The following HEMK2 variants were observed in gnomAD, a reference collection of about 807,000 sequenced individuals.
The protein encoded by HEMK2 is HemK methyltransferase 2, ETF1 glutamine and histone H4 lysine.
chr21:28,590,533 A>G, the HEMK2 span, among the ~76,000 whole-genome samples: 1 of 152,230 alleles, frequency 6.6e-6, no homozygotes, highest in Non-Finnish European at 1.5e-5. Flanking sequence ...TGAAACAAGC[A>G]AAGTTCTATC....
chr21:28,651,511 T>C, the HEMK2 span, among the ~76,000 whole-genome samples: 1 of 152,206 alleles, frequency 6.6e-6, no homozygotes, highest in African/African-American at 2.4e-5. Flanking sequence ...ACATTGTCAC[T>C]TGAATAGACC....
At chr21:28,657,692 T>C in the HEMK2 span, among the ~76,000 whole-genome samples, 15 of 152,192 alleles carry the variant, frequency 9.9e-5, no homozygotes, top group South Asian at 1.7e-3. Flanking sequence ...TTTTAAATGT[T>C]TGTACTTCAA....
the HEMK2 span, among the ~76,000 whole-genome samples, chr21:28,743,874 G>C: frequency 1.9e-3 from 286 of 152,248 alleles, no homozygotes; most frequent in African/African-American, 6.6e-3. Context: ...AAAGAAAATA[G>C]CCATGGGACA....
At chr21:28,670,287 C>A in the HEMK2 span, among the ~76,000 whole-genome samples, 1,692 of 152,176 alleles carry the variant, frequency 0.011, 26 homozygotes, top group African/African-American at 0.038. Context: ...GGAACTGATG[C>A]AAATGACTCT....
At chr21:28,628,610 A>C in the HEMK2 span, among the ~76,000 whole-genome samples, 1 of 152,028 alleles carries the variant, frequency 6.6e-6, no homozygotes, top group Admixed American at 6.6e-5. Flanking sequence ...CTGCCATCAC[A>C]CCCAGCTAAT....
At chr21:28,716,676 T>A in the HEMK2 span, among the ~76,000 whole-genome samples, 1 of 152,054 alleles carries the variant, frequency 6.6e-6, no homozygotes, top group South Asian at 2.1e-4. Flanking sequence ...AAACTAGACA[T>A]CCTCATCTTG....
the HEMK2 span, among the ~76,000 whole-genome samples, chr21:28,864,923 T>TAGATAGATAGATAGATAGAC: frequency 1.0e-3 from 127 of 123,844 alleles, no homozygotes; most frequent in African/African-American, 2.8e-3. Flanking sequence ...TATAGATAGA[T>TAGATAGATAGATAGATAGAC]AGACAGACAG....
chr21:28,587,151 A>T, the HEMK2 span, among the ~76,000 whole-genome samples: 2 of 146,656 alleles, frequency 1.4e-5, no homozygotes, highest in Non-Finnish European at 3.0e-5. Context: ...GAAATGGAGT[A>T]GGCATATCAG....
chr21:28,713,351 C>T, the HEMK2 span, among the ~76,000 whole-genome samples: 2,551 of 152,250 alleles, frequency 0.017, 73 homozygotes, highest in African/African-American at 0.057. Context: ...AAGCTCATGT[C>T]TCTCCCCAGC....
the HEMK2 span, among the ~76,000 whole-genome samples, chr21:28,832,669 C>G: frequency 1.3e-5 from 2 of 152,200 alleles, no homozygotes; most frequent in Non-Finnish European, 2.9e-5. Flanking sequence ...CCCATTCTCA[C>G]AACCTGTGTG....
chr21:28,683,717 G>A, the HEMK2 span, among the ~76,000 whole-genome samples: 25,327 of 152,004 alleles, frequency 0.17, 2,445 homozygotes, highest in East Asian at 0.31. Context: ...TTATGAAAAG[G>A]TGAAATATAT....
the HEMK2 span, among the ~76,000 whole-genome samples, chr21:28,731,716 CTGCACATTG>C: frequency 6.6e-6 from 1 of 151,246 alleles, no homozygotes; most frequent in South Asian, 2.1e-4. Flanking sequence ...TGTAGCTAAC[CTGCACATTG>C]TGCACATGTA....
the HEMK2 span, among the ~76,000 whole-genome samples, chr21:28,693,237 T>C: frequency 6.6e-6 from 1 of 152,210 alleles, no homozygotes; most frequent in Non-Finnish European, 1.5e-5. Flanking sequence ...TTACTTTTTA[T>C]AAAGCTCTAT....
chr21:28,766,387 C>A, the HEMK2 span, among the ~76,000 whole-genome samples: 8 of 151,944 alleles, frequency 5.3e-5, no homozygotes, highest in South Asian at 1.7e-3. Flanking sequence ...GAAAAGGGAA[C>A]ACTTTTATAC....
At chr21:28,803,845 A>C in the HEMK2 span, among the ~76,000 whole-genome samples, 3 of 152,198 alleles carry the variant, frequency 2.0e-5, no homozygotes, top group Admixed American at 2.0e-4. Flanking sequence ...TGTCTGAATT[A>C]TAAGGGTTGG....
chr21:28,767,570 T>C, the HEMK2 span, among the ~76,000 whole-genome samples: 4 of 151,402 alleles, frequency 2.6e-5, no homozygotes, highest in Admixed American at 1.3e-4. Context: ...AACAACATTA[T>C]GCTAACTGGC....
At chr21:28,879,548 C>T in the HEMK2 span, among the ~76,000 whole-genome samples, 1 of 152,092 alleles carries the variant, frequency 6.6e-6, no homozygotes, top group Non-Finnish European at 1.5e-5. Flanking sequence ...CCAGTTAAAA[C>T]CTTTTGTTTT....
the HEMK2 span, among the ~76,000 whole-genome samples, chr21:28,753,080 G>A: frequency 6.6e-6 from 1 of 152,306 alleles, no homozygotes; most frequent in African/African-American, 2.4e-5. Flanking sequence ...AAGCAAGAAT[G>A]GTTCTCCAGG....
chr21:28,794,464 T>G, the HEMK2 span, among the ~76,000 whole-genome samples: 3 of 152,228 alleles, frequency 2.0e-5, no homozygotes, highest in African/African-American at 7.2e-5. Flanking sequence ...GTTTATCATG[T>G]GAAGTATTTG....
Sources: allele counts gnomAD v4.1 joint callset (sites outside exome capture counted in the v4.1 genomes callset), GRCh38; gene constraint gnomAD v4.1.1; transcripts MANE v1.5; gene names NCBI Gene and HGNC (gene_info 2026-07-23, HGNC 2026-07-21).